Variants in MS4A4E observed in about 807,000 individuals in gnomAD.
The protein encoded by MS4A4E is membrane spanning 4-domains A4E, also known as putative membrane-spanning 4-domains subfamily A member 4E.
A neutral mutation model predicts 13.3 loss-of-function variants in MS4A4E; 23 were observed. The observed-to-expected ratio is 1.73, with a 90% confidence interval of 1.25 to 2.45. MS4A4E has a LOEUF of 2.45. MS4A4E is among the 30% of genes most tolerant of loss of function. MS4A4E has a pLI of 0.00. For synonymous variants in MS4A4E, 36 were observed against 45.6 expected, an observed-to-expected ratio of 0.79 and a Z score of 0.85; for missense variants, 144 against 131.2, an observed-to-expected ratio of 1.10 and a Z score of -0.48.
intron 3 of MS4A4E, among the ~76,000 whole-genome samples, chr11:60,222,145 T>G (rs1240106561): frequency 6.6e-6 from 1 of 152,268 alleles, no homozygotes; most frequent in Non-Finnish European, 1.5e-5. Context: ...TTGATTATAT[T>G]AGACCTCTTC....
chr11:60,205,254 C>T (rs1369284547), intron 7 of MS4A4E, among the ~76,000 whole-genome samples: 1 of 152,204 alleles, frequency 6.6e-6, no homozygotes, highest in East Asian at 1.9e-4. Flanking sequence ...TAGCTTCTAA[C>T]AGCATATAAA....
intron 1 of MS4A4E, among the ~76,000 whole-genome samples, chr11:60,233,424 A>T (rs2084438402): frequency 6.6e-6 from 1 of 152,202 alleles, no homozygotes; most frequent in South Asian, 2.1e-4. Context: ...TCCCTGCTCC[A>T]TGGGCTTGAG....
chr11:60,207,471 G>C (rs2084062744), intron 6 of MS4A4E, among the ~76,000 whole-genome samples: 1 of 152,114 alleles, frequency 6.6e-6, no homozygotes, highest in Admixed American at 6.6e-5. Context: ...CCCACCACTA[G>C]AGTTAATGCG....
chr11:60,240,313 G>A (rs1193589564), intron 1 of MS4A4E, among the ~76,000 whole-genome samples: 4 of 152,150 alleles, frequency 2.6e-5, no homozygotes, highest in African/African-American at 7.2e-5. Context: ...CTAATTCTAC[G>A]CAACCATTTT....
At chr11:60,241,619 C>T (rs1258320946) in intron 1 of MS4A4E, among the ~76,000 whole-genome samples, 1 of 152,120 alleles carries the variant, frequency 6.6e-6, no homozygotes, top group Non-Finnish European at 1.5e-5. Flanking sequence ...TATATAACTG[C>T]CTCCTATCTT....
chr11:60,225,608 G>A (rs1336577133), intron 3 of MS4A4E, among the ~76,000 whole-genome samples: 1 of 152,038 alleles, frequency 6.6e-6, no homozygotes, highest in Non-Finnish European at 1.5e-5. Context: ...TTATAAATGG[G>A]TCAAAAAATT....
chr11:60,208,352 C>T lies in MS4A4E; in HGVS notation c.483+241G>A, dbSNP rs146798163. On this transcript the variant is annotated intron_variant, in intron 6 of 8. Transcript: ENST00000651255. ...TCCTCAACTTAAAGGAAATTAATTCCGCCACATTCACATGAAAGAGAATCA... is the reference window on the plus strand; with the variant it reads ...TCCTCAACTTAAAGGAAATTAATTCTGCCACATTCACATGAAAGAGAATCA... 4.2e-3 allele frequency among the ~76,000 whole-genome samples: 642 copies of T among 152,182 alleles called. 8 individuals are homozygous for T. The highest frequency in any genetic ancestry group is 0.014 in the African/African-American group (588 of 41,514).
intron 1 of MS4A4E, among the ~76,000 whole-genome samples, chr11:60,234,468 G>A (rs1163658985): frequency 6.6e-6 from 1 of 152,088 alleles, no homozygotes; most frequent in Non-Finnish European, 1.5e-5. Context: ...CCTCGTGAAT[G>A]GATAAATGTC....
intron 3 of MS4A4E, among the ~76,000 whole-genome samples, chr11:60,217,693 A>C (rs982024333): frequency 6.6e-6 from 1 of 152,168 alleles, no homozygotes; most frequent in Non-Finnish European, 1.5e-5. Flanking sequence ...CAATCTCTAA[A>C]CATAAATTGT....
chr11:60,212,478 T>A (rs1427266108), intron 5 of MS4A4E, among the ~76,000 whole-genome samples: 1 of 151,834 alleles, frequency 6.6e-6, no homozygotes, highest in Non-Finnish European at 1.5e-5. Context: ...CCTGGCTAAT[T>A]TTTTGTATTT....
intron 8 of MS4A4E, among the ~76,000 whole-genome samples, chr11:60,204,399 CT>C (rs2084016380): frequency 6.8e-6 from 1 of 147,338 alleles, no homozygotes; most frequent in Admixed American, 6.8e-5. Context: ...TTCTGCTCGT[CT>C]GTGAGCAAAT....
rs567186573 is a variant in MS4A4E at position 60,233,142 on chromosome 11, C to T, written c.-16-3071G>A. ...TCCAAGAAACCCAAGGAAAAAGCTA[C>T]AGACAGGCCTAGTCATTCCTGAGGC... On this transcript the variant is annotated intron_variant, in intron 1 of 8. Transcript: ENST00000651255. Among the ~76,000 whole-genome samples the T allele has an allele frequency of 6.6e-5, 10 of 151,584 alleles. No individual in the cohort carries two copies. The South Asian group carries it at 1.9e-3, about 28-fold the overall frequency.
intron 3 of MS4A4E, among the ~76,000 whole-genome samples, chr11:60,220,891 C>T (rs1159986971): frequency 1.3e-5 from 2 of 152,166 alleles, no homozygotes; most frequent in African/African-American, 2.4e-5. Context: ...ACCTGAAAGG[C>T]TTCCAGTTTT....
intron 1 of MS4A4E, among the ~76,000 whole-genome samples, chr11:60,237,965 T>C (rs2084505290): frequency 6.6e-6 from 1 of 152,054 alleles, no homozygotes; most frequent in African/African-American, 2.4e-5. Flanking sequence ...TGTCTTTTAT[T>C]CTATTAATGC....
chr11:60,224,107 C>T (rs973714958), intron 3 of MS4A4E, among the ~76,000 whole-genome samples: 8 of 151,964 alleles, frequency 5.3e-5, no homozygotes, highest in Admixed American at 1.3e-4. Flanking sequence ...AACATAAACC[C>T]GCCTCATAAA....
At chr11:60,238,060 A>C (rs2084506224) in intron 1 of MS4A4E, among the ~76,000 whole-genome samples, 1 of 151,100 alleles carries the variant, frequency 6.6e-6, no homozygotes, top group East Asian at 2.0e-4. Flanking sequence ...TCTTTTTTAC[A>C]TGTTGCCGAA....
intron 1 of MS4A4E, among the ~76,000 whole-genome samples, chr11:60,232,468 C>T (rs1349641381): frequency 6.6e-6 from 1 of 152,166 alleles, no homozygotes; most frequent in Non-Finnish European, 1.5e-5. Flanking sequence ...CTTCCATCAC[C>T]CCTTCCCCCA....
chr11:60,218,197 C>A (rs1317021829), intron 3 of MS4A4E, among the ~76,000 whole-genome samples: 1 of 152,144 alleles, frequency 6.6e-6, no homozygotes, highest in Non-Finnish European at 1.5e-5. Flanking sequence ...AAATTCCCGC[C>A]TAATAAATTT....
intron 1 of MS4A4E, among the ~76,000 whole-genome samples, chr11:60,236,832 G>A (rs1244977228): frequency 1.3e-5 from 2 of 151,880 alleles, no homozygotes; most frequent in Admixed American, 1.3e-4. Context: ...CGCCTCCAGG[G>A]TTCAAGCAAT....
Sources: allele counts gnomAD v4.1 joint callset (sites outside exome capture counted in the v4.1 genomes callset), GRCh38; gene constraint gnomAD v4.1.1; transcripts MANE v1.5; gene names NCBI Gene and HGNC (gene_info 2026-07-23, HGNC 2026-07-21).